The following SRSF5 variants were observed in gnomAD, a reference collection of about 807,000 sequenced individuals.
SRSF5 encodes the protein serine and arginine rich splicing factor 5, also known as serine/arginine-rich splicing factor 5.
A neutral mutation model predicts 34.0 loss-of-function variants in SRSF5; 5 were observed. That is an observed-to-expected ratio of 0.15 (90% CI 0.08 to 0.31). The LOEUF is 0.31. SRSF5 is among the 10% of genes least tolerant of loss of function. The probability of loss-of-function intolerance (pLI) is 1.00; values close to 1 mark genes in which losing one functional copy is unlikely to be tolerated. For missense variants in SRSF5, 223 were observed against 351.4 expected (o/e 0.63, Z 2.92); for synonymous variants, 164 against 117.7 (o/e 1.39, Z -2.55).
At chr14:69,767,310 G>A in intron 1 of SRSF5, 55 bp downstream of exon 1, 1 of 438,384 alleles carries the variant, frequency 2.3e-6, no homozygotes, top group Admixed American at 2.7e-5. Context: ...CTTCATGGCC[G>A]CTCAGATCGT....
At chr14:69,770,860 CTG>C in intron 6 of SRSF5, 133 bp from the exon 7 acceptor site, 2 of 823,046 alleles carry the variant, frequency 2.4e-6, no homozygotes, top group South Asian at 3.7e-5. Flanking sequence ...TCTTTTAATG[CTG>C]TGTTATCCAG....
chr14:69,769,570 T>G, intron 5 of SRSF5: 1 of 1,535,482 alleles, frequency 6.5e-7, no homozygotes, highest in Admixed American at 2.0e-5. Flanking sequence ...AATCGTTGTC[T>G]TGGTCACTCT....
At chr14:69,770,328 A>C (rs1883048812) in intron 5 of SRSF5, 139 bp from the exon 6 acceptor site, 3 of 1,427,808 alleles carry the variant, frequency 2.1e-6, no homozygotes, top group Non-Finnish European at 1.8e-6. Flanking sequence ...GAATTCTGAT[A>C]GAATACAAGT....
At chr14:69,770,871 A>G in intron 6 of SRSF5, 124 bp from the exon 7 acceptor site, 1 of 879,740 alleles carries the variant, frequency 1.1e-6, no homozygotes, top group Non-Finnish European at 1.7e-6. Flanking sequence ...TGTGTTATCC[A>G]GAAATAAGAC....
At chr14:69,770,310 T>A in intron 5 of SRSF5, 157 bp from the exon 6 acceptor site, 1 of 1,420,042 alleles carries the variant, frequency 7.0e-7, no homozygotes, top group South Asian at 1.6e-5. Context: ...CTGACATAGA[T>A]AATTTTTGAA....
intron 6 of SRSF5, 86 bp from the exon 7 acceptor site, chr14:69,770,909 A>T: frequency 8.3e-7 from 1 of 1,197,950 alleles, no homozygotes; most frequent in Non-Finnish European, 1.2e-6. Flanking sequence ...AAAAGTGAAC[A>T]TAGAAACGAC....
At chr14:69,770,740 T>C (rs1883106409) in intron 6 of SRSF5, 200 bp downstream of exon 6, 1 of 642,780 alleles carries the variant, frequency 1.6e-6, no homozygotes, top group Non-Finnish European at 2.7e-6. Context: ...GAGAGGATGC[T>C]GTTGGCATGT....
At chr14:69,771,156 G>C (rs760412482) in intron 7 of SRSF5, 38 bp from the exon 8 acceptor site, 30 of 1,613,482 alleles carry the variant, frequency 1.9e-5, no homozygotes, top group Admixed American at 3.3e-5. Context: ...GTTTGTTGTA[G>C]AGTCTTATCT....
At position 69,771,405 on chromosome 14, in the gene SRSF5, G is replaced by T. The variant is rs375411132; in HGVS notation, c.763G>T (p.Asp255Tyr). The change falls in exon 8 of 8, where the codon GAT becomes TAT. Residue 255 changes from aspartate to tyrosine, a missense_variant. Asp to Tyr is a radical substitution (Grantham distance 160, BLOSUM62 -3). Transcript: ENST00000557154. Reference sequence around the variant, plus strand: ...TAGATCTAAGTCTCCAGCATCTGTGGATCGCCAGAGGTCCCGGTCCCGATC... The same window carrying T: ...TAGATCTAAGTCTCCAGCATCTGTGTATCGCCAGAGGTCCCGGTCCCGATC... ...SSRSKSPASV[D>Y]RQRSRSRSRS... 6.2e-7 allele frequency: 1 copy of T among 1,614,230 alleles called. No individual in the cohort carries two copies.
In SRSF5 at chr14:69,771,786, TA is replaced by T. The variant is rs1183176946; in HGVS notation, c.*326del. 5.1e-5 allele frequency: 12 copies of T among 235,192 alleles called. No homozygotes were observed. Among genetic ancestry groups the T allele is most frequent in the Admixed American group, 4.6e-4 (9 of 19,636 alleles). 14.6% of individuals were successfully genotyped at this position (235,192 alleles called of 1,614,324 possible). On this transcript the variant is annotated 3_prime_UTR_variant, in exon 8 of 8. Coordinates refer to ENST00000557154, the MANE Select transcript of SRSF5 (RefSeq NM_001320214.2). ...GTACTAGAAAAAAATTTGAACATTT[TA>T]GTTCTTGGTTATAAAAATGTTAATT... is the stretch of plus-strand genomic sequence containing the variant.
chr14:69,768,874 C>A lies in SRSF5; in HGVS notation c.274C>A (p.Arg92Ser). The change falls in exon 4 of 8, where the codon CGC becomes AGC. Residue 92 changes from arginine to serine, a missense_variant. Transcript: ENST00000557154. ...ACGATACTCTGACCGTTTTAGTAGTCGCAGACCTCGAAATGATAGACGGTA... is the reference window on the plus strand; with the variant it reads ...ACGATACTCTGACCGTTTTAGTAGTAGCAGACCTCGAAATGATAGACGGTA... Reference protein sequence around the residue: ...RGRYSDRFSSRRPRNDRRNAP... With the variant: ...RGRYSDRFSSSRPRNDRRNAP... 6.2e-7 allele frequency: 1 copy of A among 1,614,106 alleles called. No homozygotes were observed. The highest frequency in any genetic ancestry group is 1.1e-5 in the South Asian group (1 of 91,056).
Position 69,767,162 on chromosome 14 carries a change from G to A in SRSF5, c.-113G>A. ...AGTGCGTCAGTTGTGGAGTGGCGTA[G>A]ACGAGTTAAGTCCTGGTCTGCGTGG... On this transcript the variant is annotated 5_prime_UTR_variant, in exon 1 of 8. Coordinates refer to ENST00000557154, the MANE Select transcript of SRSF5 (RefSeq NM_001320214.2). 2 of 342,158 alleles carry A rather than the reference G, an allele frequency of 5.8e-6. No homozygotes were observed. Among genetic ancestry groups the A allele is most frequent in the South Asian group, 2.2e-5 (1 of 45,250 alleles). The allele number at this position is 342,158 out of a possible 1,614,324, so 21.2% of individuals were successfully genotyped here.
intron 1 of SRSF5, 69 bp downstream of exon 1, chr14:69,767,324 C>G (rs901758593): frequency 1.1e-5 from 5 of 449,396 alleles, no homozygotes; most frequent in Non-Finnish European, 2.2e-5. Context: ...AGATCGTGAG[C>G]GGCCGGGGCT....
In SRSF5 at chr14:69,771,442, C is replaced by G; in HGVS notation, c.800C>G (p.Ser267Ter). Reference sequence around the variant, plus strand: ...TCCCGGTCCCGATCAAGGTCCAGATCAGTTGACAGTGGCAATTAAACTGTA... The same window carrying G: ...TCCCGGTCCCGATCAAGGTCCAGATGAGTTGACAGTGGCAATTAAACTGTA... ...QRSRSRSRSR[S>*]VDSGN Residue 267 changes from serine to a stop codon, truncating the protein, a stop_gained, in exon 8 of 8, where the codon TCA becomes TGA. Coordinates refer to ENST00000557154, the MANE Select transcript of SRSF5 (RefSeq NM_001320214.2). LOFTEE classifies it high-confidence loss of function. 6.2e-7 allele frequency: 1 copy of G among 1,614,150 alleles called. No homozygotes were observed. The highest frequency in any genetic ancestry group is 8.5e-7 in the Non-Finnish European group (1 of 1,179,982).
Position 69,771,030 on chromosome 14 carries a change from A to G in SRSF5, c.476A>G (p.Asn159Ser). Residue 159 changes from asparagine to serine, a missense_variant, in exon 7 of 8, where the codon AAT (asparagine) becomes AGT (serine). Asn to Ser is a conservative substitution (Grantham distance 46). This residue lies in a region of SRSF5 where 37 missense variants were observed against 96.7 expected (regional missense o/e 0.38). Transcript: ENST00000557154. The part of the protein sequence containing the change: ...VEFASYGDLK[N>S]AIEKLSGKEI... ...TTTGCCTCTTATGGTGACTTAAAGA[A>G]TGCTATTGAAAAACTTTCTGGAAAG... 1 of 1,613,898 alleles carries G rather than the reference A, an allele frequency of 6.2e-7. No individual in the cohort carries two copies. Among genetic ancestry groups the G allele is most frequent in the Non-Finnish European group, 8.5e-7 (1 of 1,179,948 alleles).
At chr14:69,770,712 G>A (rs148435296) in intron 6 of SRSF5, among the ~76,000 whole-genome samples, 172 bp downstream of exon 6, 177 of 152,250 alleles carry the variant, frequency 1.2e-3, no homozygotes, top group African/African-American at 4.0e-3. Context: ...GACAAGTTTG[G>A]TTGTCACAAC....
intron 1 of SRSF5, chr14:69,767,764 A>G: frequency 2.8e-6 from 1 of 351,194 alleles, no homozygotes; most frequent in Non-Finnish European, 5.6e-6. Context: ...ACCCGCTGTG[A>G]CGCGCCCGCG....
chr14:69,771,464 T>C lies in SRSF5; in HGVS notation c.*3T>C. 2 of 1,609,606 alleles carry C rather than the reference T, an allele frequency of 1.2e-6. No homozygotes were observed. Among genetic ancestry groups the C allele is most frequent in the East Asian group, 4.5e-5 (2 of 44,794 alleles). ...GATCAGTTGACAGTGGCAATTAAAC[T>C]GTAAATAACTTGCCCTGGGGGCCTT... On this transcript the variant is annotated 3_prime_UTR_variant, in exon 8 of 8. Transcript: ENST00000557154.
At chr14:69,768,525 C>T (rs1019915586) in intron 2 of SRSF5, 79 bp from the exon 3 acceptor site, 2 of 1,407,122 alleles carry the variant, frequency 1.4e-6, no homozygotes, top group Non-Finnish European at 2.0e-6. Context: ...CCCATTCTGT[C>T]TCCTGATTTC....
Sources: gnomAD v4.1 joint callset for allele counts (sites outside exome capture counted in the v4.1 genomes callset) on GRCh38, gnomAD v4.1.1 for gene constraint, gnomAD v4.1.1 regional missense constraint, MANE v1.5 for transcripts, NCBI Gene and HGNC (gene_info 2026-07-23, HGNC 2026-07-21) for gene names.